Variants in TXNRD1 observed in about 807,000 individuals in gnomAD.
TXNRD1 encodes the protein thioredoxin reductase 1, cytoplasmic.
A neutral mutation model predicts 80.3 loss-of-function variants in TXNRD1; 57 were observed. That is an observed-to-expected ratio of 0.71 (90% CI 0.57 to 0.89). The LOEUF (loss-of-function observed/expected upper bound fraction) is 0.89, where lower values mean the gene tolerates loss of function less well. Among genes scored for constraint, TXNRD1 ranks in the 40% least tolerant of loss-of-function variants. The pLI, the probability that TXNRD1 is intolerant of heterozygous loss-of-function variation, is 0.00. For missense variants in TXNRD1, 730 were observed against 803.0 expected, an observed-to-expected ratio of 0.91 and a Z score of 1.10; for synonymous variants, 291 against 285.2, an observed-to-expected ratio of 1.02 and a Z score of -0.20.
intron 7 of TXNRD1, among the ~76,000 whole-genome samples, chr12:104,317,567 G>A (rs1470869071): frequency 1.3e-5 from 2 of 152,150 alleles, no homozygotes; most frequent in African/African-American, 4.8e-5. Flanking sequence ...TGTATAGCCA[G>A]CCAGGATCAT....
chr12:104,295,547 C>T (rs1007373996), intron 4 of TXNRD1, among the ~76,000 whole-genome samples: 6 of 152,206 alleles, frequency 3.9e-5, no homozygotes, highest in Non-Finnish European at 7.3e-5. Context: ...CTGGTTATCT[C>T]CTGCTCTGCT....
At position 104,325,416 on chromosome 12, in the gene TXNRD1, G is replaced by T. The variant is rs774543561; in HGVS notation, c.1295G>T (p.Gly432Val). The T allele has an allele frequency of 9.9e-6, 16 of 1,611,690 alleles. No homozygotes were observed. The highest frequency in any genetic ancestry group is 2.7e-5 in the African/African-American group (2 of 75,014). The change falls in exon 11 of 17, where the codon GGA (glycine) becomes GTA (valine). Residue 432 changes from glycine to valine, a missense_variant. By Grantham distance (109) the Gly-to-Val change is moderately radical. Coordinates refer to ENST00000525566, the MANE Select transcript of TXNRD1 (RefSeq NM_001093771.3). ...ACCAATAGTGAGGAAATCATTGAAG[G>T]AGAATATAATACGGTAAGGAATGGG... ...QSTNSEEIIEGEYNTVMLAIG... is the reference protein window; with the variant it reads ...QSTNSEEIIEVEYNTVMLAIG...
intron 16 of TXNRD1, among the ~76,000 whole-genome samples, chr12:104,341,410 A>G (rs1283259013): frequency 6.6e-6 from 1 of 152,148 alleles, no homozygotes; most frequent in African/African-American, 2.4e-5. Flanking sequence ...CACAGCAGGG[A>G]TTTGAGATAA....
chr12:104,265,435 C>T (rs1195397249), intron 3 of TXNRD1: 7 of 1,603,362 alleles, frequency 4.4e-6, no homozygotes, highest in Non-Finnish European at 5.9e-6. Context: ...CGCCAAGTCC[C>T]GCTTCTGGTA....
chr12:104,242,753 T>C (rs1158406565), intron 1 of TXNRD1, among the ~76,000 whole-genome samples: 4 of 152,156 alleles, frequency 2.6e-5, no homozygotes, highest in African/African-American at 9.6e-5. Flanking sequence ...AAACCAAGAC[T>C]AACCCCCACC....
chr12:104,220,025 C>A (rs952956797), intron 1 of TXNRD1, among the ~76,000 whole-genome samples: 13 of 152,178 alleles, frequency 8.5e-5, no homozygotes, highest in African/African-American at 3.1e-4. Context: ...TCAAGTGATT[C>A]TATTTGAACC....
intron 13 of TXNRD1, among the ~76,000 whole-genome samples, chr12:104,328,801 G>T (rs1207787566): frequency 1.3e-5 from 2 of 149,930 alleles, no homozygotes; most frequent in Non-Finnish European, 3.0e-5. Flanking sequence ...GTTTTAGGAT[G>T]TTGAATATGT....
chr12:104,294,233 GCC>G (rs1555212585), intron 4 of TXNRD1, among the ~76,000 whole-genome samples: 3,367 of 68,902 alleles, frequency 0.049, 902 homozygotes, highest in African/African-American at 0.19. Flanking sequence ...CCGGGGAAAG[GCC>G]CCCCCCCCCG....
chr12:104,255,116 T>A (rs1156778874), intron 2 of TXNRD1, among the ~76,000 whole-genome samples: 2 of 151,152 alleles, frequency 1.3e-5, no homozygotes. Flanking sequence ...AATAAATAAA[T>A]AAAAAAAATA....
Position 104,306,613 on chromosome 12 carries a change from T to C in TXNRD1, c.415-4677T>C, listed in dbSNP as rs1375445350. Among the ~76,000 whole-genome samples, 14 of 152,294 alleles carry C rather than the reference T, an allele frequency of 9.2e-5. No homozygotes were observed. In the East Asian group the frequency reaches 2.3e-3, roughly 25 times the overall value. On this transcript the variant is annotated intron_variant, in intron 4 of 16. Transcript: ENST00000525566. ...AGGAAGGATTTTTCATGTATGGAGA[T>C]GAGGTTCTTCACCAATAATAGAGTA...
At chr12:104,315,452 C>A (rs2035291957) in intron 6 of TXNRD1, among the ~76,000 whole-genome samples, 1 of 152,158 alleles carries the variant, frequency 6.6e-6, no homozygotes, top group South Asian at 2.1e-4. Context: ...GTCGGGTCGT[C>A]TGTATAGGGT....
intron 15 of TXNRD1, among the ~76,000 whole-genome samples, chr12:104,334,836 C>T (rs1333695100): frequency 6.6e-6 from 1 of 152,178 alleles, no homozygotes; most frequent in Non-Finnish European, 1.5e-5. Context: ...TACACTTAGT[C>T]AACAGGCAGC....
At chr12:104,340,367 C>T (rs930016051) in intron 16 of TXNRD1, among the ~76,000 whole-genome samples, 1 of 152,184 alleles carries the variant, frequency 6.6e-6, no homozygotes, top group Non-Finnish European at 1.5e-5. Flanking sequence ...AGCCAATTAA[C>T]TTTGCTTTCT....
chr12:104,333,542 T>TA (rs1444038633), intron 14 of TXNRD1, among the ~76,000 whole-genome samples: 6 of 152,206 alleles, frequency 3.9e-5, no homozygotes, highest in Admixed American at 6.5e-5. Flanking sequence ...AAAATTATAT[T>TA]ATTTATCACA....
At chr12:104,347,288 G>A (rs1452209914) in intron 16 of TXNRD1, among the ~76,000 whole-genome samples, 3 of 152,010 alleles carry the variant, frequency 2.0e-5, no homozygotes, top group Non-Finnish European at 4.4e-5. Context: ...GAGAAGTAAA[G>A]GCTTTGTCAC....
rs765031009 is a variant in TXNRD1 at position 104,251,669 on chromosome 12, C to A, written c.234C>A (p.Arg78=). The A allele has an allele frequency of 3.1e-6, 5 of 1,613,872 alleles. No individual in the cohort carries two copies. Among genetic ancestry groups the A allele is most frequent in the Non-Finnish European group, 4.2e-6 (5 of 1,179,856 alleles). The change falls in exon 2 of 17, where the codon CGC becomes CGA. Residue 78 remains arginine, a synonymous_variant. Coordinates refer to ENST00000525566, the MANE Select transcript of TXNRD1 (RefSeq NM_001093771.3). ...VVIFSRSTCT[R]CTEVKKLFKS... ...TCTTCAGTAGGTCCACATGCACACGCTGTACTGAGGTAAGGCTTTAAACTC... is the reference window on the plus strand; with the variant it reads ...TCTTCAGTAGGTCCACATGCACACGATGTACTGAGGTAAGGCTTTAAACTC...
At chr12:104,287,553 T>C in intron 3 of TXNRD1, 1 of 1,531,970 alleles carries the variant, frequency 6.5e-7, no homozygotes, top group Non-Finnish European at 8.8e-7. Context: ...TCTCTAGGAA[T>C]TTTCACACCA....
At chr12:104,262,881 G>C (rs1440420827) in intron 3 of TXNRD1, among the ~76,000 whole-genome samples, 1 of 151,832 alleles carries the variant, frequency 6.6e-6, no homozygotes, top group Non-Finnish European at 1.5e-5. Context: ...AGTGCCCCAT[G>C]AATTCCTGTG....
chr12:104,312,198 T>C (rs34244007), intron 5 of TXNRD1, among the ~76,000 whole-genome samples: 1,603 of 152,306 alleles, frequency 0.011, 27 homozygotes, highest in African/African-American at 0.036. Flanking sequence ...AACCCATTTA[T>C]TAAAAATGAT....
Sources: allele counts gnomAD v4.1 joint callset (sites outside exome capture counted in the v4.1 genomes callset), GRCh38; gene constraint gnomAD v4.1.1; transcripts MANE v1.5; gene names NCBI Gene and HGNC (gene_info 2026-07-23, HGNC 2026-07-21).